The following EDRF1 variants were observed in gnomAD, a reference collection of about 807,000 sequenced individuals.
EDRF1 encodes erythroid differentiation regulatory factor 1, also known as erythroid differentiation-related factor 1.
Under a neutral mutation model 148.7 loss-of-function variants are expected in EDRF1, and 69 were observed. That is an observed-to-expected ratio of 0.46 (90% CI 0.38 to 0.57). The LOEUF (loss-of-function observed/expected upper bound fraction) is 0.57, where lower values mean the gene tolerates loss of function less well. Ranked by LOEUF, EDRF1 falls within the 20% of genes least tolerant of loss-of-function variation. EDRF1 has a pLI of 0.00. For synonymous variants in EDRF1, 515 were observed against 532.8 expected (o/e 0.97, Z 0.46); for missense variants, 1,118 against 1,478.7 (o/e 0.76, Z 4.00).
intron 24 of EDRF1, chr10:125,756,756 G>C: frequency 5.2e-6 from 2 of 385,360 alleles, no homozygotes; most frequent in Middle Eastern, 3.7e-4. Flanking sequence ...TATTAAAATT[G>C]GGTTTCCTAT....
chr10:125,749,797 C>G, intron 22 of EDRF1: 4 of 540,580 alleles, frequency 7.4e-6, no homozygotes, highest in South Asian at 4.1e-5. Flanking sequence ...GAGATATGGC[C>G]CATGACCCCT....
At chr10:125,757,155 C>CTAG (rs1453625436) in intron 24 of EDRF1, 1 of 252,744 alleles carries the variant, frequency 4.0e-6, no homozygotes, top group African/African-American at 2.3e-5. Context: ...ATTGGTGTCT[C>CTAG]TAGACCATTC....
At chr10:125,754,685 A>G (rs1849811411) in intron 24 of EDRF1, among the ~76,000 whole-genome samples, 1 of 152,210 alleles carries the variant, frequency 6.6e-6, no homozygotes. Context: ...TTTAATTTGA[A>G]ATTTCAGTAG....
At chr10:125,736,328 A>G (rs972853485) in intron 13 of EDRF1, among the ~76,000 whole-genome samples, 1 of 152,112 alleles carries the variant, frequency 6.6e-6, no homozygotes, top group African/African-American at 2.4e-5. Flanking sequence ...CCTGTGCTAT[A>G]TAGGACAGTA....
At chr10:125,739,915 G>A (rs1040359112) in intron 15 of EDRF1, among the ~76,000 whole-genome samples, 1 of 152,192 alleles carries the variant, frequency 6.6e-6, no homozygotes, top group African/African-American at 2.4e-5. Flanking sequence ...GTAGCGATGG[G>A]CTGGACTTTA....
intron 9 of EDRF1, among the ~76,000 whole-genome samples, chr10:125,732,711 G>T (rs1044445802): frequency 1.3e-5 from 2 of 152,192 alleles, no homozygotes; most frequent in African/African-American, 4.8e-5. Flanking sequence ...ATTGTGTTTG[G>T]TCTTACATTC....
intron 14 of EDRF1, 72 bp from the exon 15 acceptor site, chr10:125,738,223 A>ATACT (rs1848834754): frequency 6.3e-7 from 1 of 1,575,414 alleles, no homozygotes; most frequent in Admixed American, 1.7e-5. Context: ...AGTAGTCCAG[A>ATACT]TACTGTCTTA....
intron 2 of EDRF1, 87 bp downstream of exon 2, chr10:125,721,499 A>G (rs2133658268): frequency 3.2e-6 from 4 of 1,233,302 alleles, no homozygotes; most frequent in East Asian, 2.4e-5. Flanking sequence ...TGTAATGCCT[A>G]TTAACTTGTC....
intron 22 of EDRF1, among the ~76,000 whole-genome samples, chr10:125,752,461 T>A (rs1246072334): frequency 2.6e-5 from 4 of 152,222 alleles, no homozygotes; most frequent in African/African-American, 9.6e-5. Flanking sequence ...AGTGCTTATG[T>A]GACTTGACCA....
rs534770982 is a variant in EDRF1, at chr10:125,763,009, T to G, written c.3546-292T>G. ...ATGCAAATTCCATAAGGCAGGGGCTTCTTTTTGCCTGTTTTGTTCTCTGTC... is the reference window on the plus strand; with the variant it reads ...ATGCAAATTCCATAAGGCAGGGGCTGCTTTTTGCCTGTTTTGTTCTCTGTC... On this transcript the variant is annotated intron_variant, in intron 24 of 24. Transcript: ENST00000356792. The surrounding 1 kb of genome is among the most constrained non-coding windows in gnomAD (Gnocchi z 4.3). Among the ~76,000 whole-genome samples the G allele has an allele frequency of 1.3e-5, 2 of 152,344 alleles. No individual in the cohort carries two copies. The highest frequency in any genetic ancestry group is 1.9e-4 in the East Asian group (1 of 5,190).
intron 18 of EDRF1, 138 bp downstream of exon 18, chr10:125,743,414 C>G: frequency 1.4e-6 from 1 of 700,514 alleles, no homozygotes; most frequent in Non-Finnish European, 2.5e-6. Context: ...TCTTATTATT[C>G]TTAAGAAATA....
chr10:125,746,592 A>C (rs1404252518), intron 19 of EDRF1: 1 of 152,656 alleles, frequency 6.6e-6, no homozygotes, highest in Admixed American at 6.5e-5. Context: ...TTATTTATTT[A>C]CTTTTTTGAG....
chr10:125,728,134 G>A (rs755851473), intron 6 of EDRF1, among the ~76,000 whole-genome samples: 20 of 151,488 alleles, frequency 1.3e-4, no homozygotes, highest in Non-Finnish European at 2.1e-4. Flanking sequence ...CCCAGGAGGC[G>A]GAGGTTGCAG....
chr10:125,737,823 T>C (rs1848816781), intron 13 of EDRF1, 95 bp from the exon 14 acceptor site: 3 of 1,239,874 alleles, frequency 2.4e-6, no homozygotes, highest in Admixed American at 3.4e-5. Context: ...AGATTTTTGT[T>C]GATAATGCTT....
At chr10:125,744,551 A>G (rs1052429496) in intron 18 of EDRF1, among the ~76,000 whole-genome samples, 2 of 152,150 alleles carry the variant, frequency 1.3e-5, no homozygotes, top group African/African-American at 2.4e-5. Context: ...CAAAGAGTTC[A>G]TTGCTAGTGG....
chr10:125,751,442 C>G (rs1231167206), intron 22 of EDRF1, among the ~76,000 whole-genome samples: 1 of 137,422 alleles, frequency 7.3e-6, no homozygotes, highest in Admixed American at 7.7e-5. Flanking sequence ...ACATATGATT[C>G]AGACCTCCCT....
chr10:125,745,238 A>G (rs745638835), intron 18 of EDRF1: 2 of 185,162 alleles, frequency 1.1e-5, no homozygotes, highest in African/African-American at 2.4e-5. Context: ...TTATTGTGTC[A>G]TAGATCTGGA....
intron 4 of EDRF1, among the ~76,000 whole-genome samples, 182 bp from the exon 5 acceptor site, chr10:125,725,136 C>T (rs917603423): frequency 7.2e-5 from 11 of 152,104 alleles, no homozygotes. Context: ...GACGGGTTTC[C>T]TTTAGGAAAC....
chr10:125,720,521 C>T (rs944494280), intron 1 of EDRF1, among the ~76,000 whole-genome samples: 2 of 152,116 alleles, frequency 1.3e-5, no homozygotes, highest in Non-Finnish European at 2.9e-5. Flanking sequence ...AATTAAAATA[C>T]ATCTTTGGCC....
Sources: allele counts gnomAD v4.1 joint callset (sites outside exome capture counted in the v4.1 genomes callset), GRCh38; gene constraint gnomAD v4.1.1; non-coding constraint Gnocchi (gnomAD v3.1); transcripts MANE v1.5; gene names NCBI Gene and HGNC (gene_info 2026-07-23, HGNC 2026-07-21).